The following DLGAP2 variants were observed in gnomAD, a reference collection of about 807,000 sequenced individuals.
DLGAP2 encodes DLG associated protein 2.
DLGAP2 carries 26 observed loss-of-function variants against 100.3 expected under a neutral mutation model. That is an observed-to-expected ratio of 0.26 (90% CI 0.19 to 0.36). DLGAP2 has a LOEUF of 0.36. DLGAP2 is among the 10% of genes least tolerant of loss of function. DLGAP2 has a pLI of 1.00. For synonymous variants in DLGAP2, 886 were observed against 630.1 expected (o/e 1.41, Z -6.08); for missense variants, 1,858 against 1,453.2 (o/e 1.28, Z -4.53).
intron 3 of DLGAP2, among the ~76,000 whole-genome samples, chr8:1,432,784 G>T (rs139898279): frequency 2.6e-5 from 4 of 152,298 alleles, no homozygotes; most frequent in Non-Finnish European, 4.4e-5. Context: ...TGATTCCCGC[G>T]ATCGCGTGTT....
intron 2 of DLGAP2, among the ~76,000 whole-genome samples, chr8:1,083,972 C>A (rs955644335): frequency 2.0e-5 from 3 of 152,114 alleles, no homozygotes; most frequent in African/African-American, 7.2e-5. Context: ...TAAATTGTGC[C>A]TCAAAATAAG....
chr8:1,082,575 G>T (rs1395151973), intron 2 of DLGAP2, among the ~76,000 whole-genome samples: 1 of 152,210 alleles, frequency 6.6e-6, no homozygotes, highest in African/African-American at 2.4e-5. Context: ...TTTGGTGTGA[G>T]CAGGGCTGGG....
At chr8:1,332,963 C>A (rs1801192027) in intron 3 of DLGAP2, among the ~76,000 whole-genome samples, 1 of 152,216 alleles carries the variant, frequency 6.6e-6, no homozygotes, top group South Asian at 2.1e-4. Flanking sequence ...CTCCCTTCCA[C>A]AAGCATGTGG....
chr8:1,633,938 G>T (rs925557574), intron 8 of DLGAP2, among the ~76,000 whole-genome samples: 1 of 152,228 alleles, frequency 6.6e-6, no homozygotes, highest in South Asian at 2.1e-4. Flanking sequence ...ATTCAGGCAG[G>T]AGTGTGTCAT....
chr8:1,098,637 C>T (rs1209938630), intron 2 of DLGAP2, among the ~76,000 whole-genome samples: 4 of 108,206 alleles, frequency 3.7e-5, no homozygotes, highest in Admixed American at 9.1e-5. Flanking sequence ...GCCAGGCTCC[C>T]GGCCGCCCAC....
chr8:1,441,854 C>G (rs151081260), intron 3 of DLGAP2, among the ~76,000 whole-genome samples: 33 of 150,842 alleles, frequency 2.2e-4, no homozygotes, highest in African/African-American at 8.0e-4. Flanking sequence ...AGGTTTGTTA[C>G]GTAGGTAAAC....
At chr8:1,511,308 C>G (rs1800152384) in intron 4 of DLGAP2, among the ~76,000 whole-genome samples, 1 of 150,516 alleles carries the variant, frequency 6.6e-6, no homozygotes, top group African/African-American at 2.4e-5. Flanking sequence ...GACGTAAGGG[C>G]TGTCTAGTGT....
intron 3 of DLGAP2, among the ~76,000 whole-genome samples, chr8:1,261,634 C>G (rs1799352808): frequency 6.6e-6 from 1 of 152,226 alleles, no homozygotes; most frequent in Non-Finnish European, 1.5e-5. Context: ...CTGCGGTTCT[C>G]TGAAGCCACC....
At chr8:1,632,292 AG>A (rs772961822) in intron 7 of DLGAP2, among the ~76,000 whole-genome samples, 9 of 152,170 alleles carry the variant, frequency 5.9e-5, no homozygotes, top group Non-Finnish European at 1.3e-4. Flanking sequence ...TAAGGAGATG[AG>A]TTTAGAAGCC....
chr8:1,463,398 CAGAG>C (rs897356806), intron 3 of DLGAP2, among the ~76,000 whole-genome samples: 1 of 152,226 alleles, frequency 6.6e-6, no homozygotes, highest in Non-Finnish European at 1.5e-5. Context: ...GAAAGCCACT[CAGAG>C]AGAACCCAGC....
chr8:1,654,522 A>C (rs2130814900), intron 8 of DLGAP2, among the ~76,000 whole-genome samples: 2 of 152,218 alleles, frequency 1.3e-5, no homozygotes, highest in East Asian at 1.9e-4. Flanking sequence ...TTAGCCAGGC[A>C]TGGTGGCAAG....
At chr8:821,149 T>G (rs2132685974) in intron 1 of DLGAP2, among the ~76,000 whole-genome samples, 1 of 152,302 alleles carries the variant, frequency 6.6e-6, no homozygotes, top group East Asian at 1.9e-4. Context: ...TTATTAGAAT[T>G]TTACATTTGA....
chr8:977,161 C>G (rs972146746), intron 2 of DLGAP2, among the ~76,000 whole-genome samples: 1 of 152,200 alleles, frequency 6.6e-6, no homozygotes, highest in African/African-American at 2.4e-5. Context: ...CTCCTCTTGC[C>G]TCCCCTCCTG....
intron 2 of DLGAP2, among the ~76,000 whole-genome samples, chr8:1,205,562 C>G (rs1057126650): frequency 1.3e-5 from 2 of 152,186 alleles, no homozygotes; most frequent in African/African-American, 4.8e-5. Flanking sequence ...AGGAAGCACC[C>G]TGGGAGCTTT....
intron 1 of DLGAP2, among the ~76,000 whole-genome samples, chr8:823,981 G>C (rs1317515774): frequency 2.6e-5 from 4 of 152,286 alleles, no homozygotes; most frequent in African/African-American, 7.2e-5. Flanking sequence ...AATCACATTT[G>C]TCACGTCCCC....
chr8:1,102,491 C>T (rs796796861), intron 2 of DLGAP2, among the ~76,000 whole-genome samples: 8 of 151,826 alleles, frequency 5.3e-5, no homozygotes, highest in African/African-American at 1.2e-4. Flanking sequence ...GAGAAACGCA[C>T]GCTATTCGTG....
intron 3 of DLGAP2, among the ~76,000 whole-genome samples, chr8:1,462,825 C>T (rs577075873): frequency 1.3e-5 from 2 of 152,342 alleles, no homozygotes; most frequent in African/African-American, 4.8e-5. Flanking sequence ...CCCCACACGG[C>T]GGCGGCTTCT....
intron 4 of DLGAP2, among the ~76,000 whole-genome samples, chr8:1,507,808 C>G (rs1245650362): frequency 1.3e-5 from 2 of 149,336 alleles, no homozygotes; most frequent in Non-Finnish European, 1.5e-5. Context: ...CACCCTCCCT[C>G]CACCCACCAC....
At chr8:1,573,738 T>C (rs12546852) in intron 6 of DLGAP2, among the ~76,000 whole-genome samples, 53,781 of 151,986 alleles carry the variant, frequency 0.35, 10,368 homozygotes, top group East Asian at 0.52. Flanking sequence ...TAAAGTTTTA[T>C]TGGAATGTGG....
Sources: gnomAD v4.1 joint callset for allele counts (sites outside exome capture counted in the v4.1 genomes callset) on GRCh38, gnomAD v4.1.1 for gene constraint, MANE v1.5 for transcripts, NCBI Gene and HGNC (gene_info 2026-07-23, HGNC 2026-07-21) for gene names.